The following LRRC49 variants were observed in gnomAD, a reference collection of about 807,000 sequenced individuals.
LRRC49 encodes the protein leucine rich repeat containing 49, also known as leucine-rich repeat-containing protein 49.
Under a neutral mutation model 83.3 loss-of-function variants are expected in LRRC49, and 50 were observed. The observed-to-expected ratio is 0.60, with a 90% confidence interval of 0.48 to 0.76. The LOEUF is 0.76. Among genes scored for constraint, LRRC49 ranks in the 30% least tolerant of loss-of-function variants. The probability of loss-of-function intolerance (pLI) is 0.00; values close to 1 mark genes in which losing one functional copy is unlikely to be tolerated. For synonymous variants in LRRC49, 286 were observed against 283.3 expected (o/e 1.01, Z -0.10); for missense variants, 704 against 809.1 (o/e 0.87, Z 1.58).
rs2141261055 is a variant in LRRC49 at position 71,008,361 on chromosome 15, A to G, written c.1170-18A>G. On this transcript the variant is annotated intron_variant, in intron 11 of 15. Transcript: ENST00000260382. ...TGCATGATATCTTTCATTTAAAATT[A>G]TACTTTGGGTTTTCCAGGCCTCTAG... 2 of 1,454,258 alleles carry G rather than the reference A, an allele frequency of 1.4e-6. No homozygotes were observed. Among genetic ancestry groups the G allele is most frequent in the East Asian group, 2.3e-5 (1 of 43,830 alleles). 90.1% of individuals were successfully genotyped at this position (1,454,258 alleles called of 1,614,324 possible).
intron 8 of LRRC49, among the ~76,000 whole-genome samples, chr15:70,940,693 A>G (rs994935487): frequency 1.3e-5 from 2 of 152,212 alleles, no homozygotes; most frequent in Non-Finnish European, 2.9e-5. Context: ...AGTATGCAGC[A>G]TACTGTTAGA....
intron 1 of LRRC49, among the ~76,000 whole-genome samples, chr15:70,854,494 C>A (rs1198620342): frequency 6.6e-6 from 1 of 152,252 alleles, no homozygotes; most frequent in Non-Finnish European, 1.5e-5. Flanking sequence ...GCACAGCTGA[C>A]TTCTGTTTGT....
At chr15:70,931,961 CT>C (rs2035423599) in intron 7 of LRRC49, among the ~76,000 whole-genome samples, 1 of 152,112 alleles carries the variant, frequency 6.6e-6, no homozygotes, top group Non-Finnish European at 1.5e-5. Flanking sequence ...GAAATTGAGG[CT>C]TTTTATTGAT....
intron 5 of LRRC49, among the ~76,000 whole-genome samples, chr15:70,910,569 T>G (rs1480650072): frequency 6.6e-6 from 1 of 152,184 alleles, no homozygotes; most frequent in East Asian, 1.9e-4. Flanking sequence ...TTTTTGCCAT[T>G]GCTCCCATCT....
chr15:70,991,416 T>C (rs1315580358), intron 11 of LRRC49, among the ~76,000 whole-genome samples: 3 of 152,258 alleles, frequency 2.0e-5, no homozygotes, highest in Non-Finnish European at 2.9e-5. Flanking sequence ...AATTCCCTTA[T>C]ATAAAATGGG....
intron 8 of LRRC49, among the ~76,000 whole-genome samples, chr15:70,960,415 A>C (rs2036565554): frequency 6.6e-6 from 1 of 152,246 alleles, no homozygotes; most frequent in Non-Finnish European, 1.5e-5. Context: ...GAGGAGTGAT[A>C]TAACAATCTT....
chr15:70,923,666 TTGATA>T (rs2035087931), intron 7 of LRRC49, among the ~76,000 whole-genome samples: 1 of 151,900 alleles, frequency 6.6e-6, no homozygotes. Context: ...AATTTTTAAT[TTGATA>T]TAATTTCAGA....
At chr15:70,921,847 C>T (rs1304173959) in intron 7 of LRRC49, among the ~76,000 whole-genome samples, 1 of 152,208 alleles carries the variant, frequency 6.6e-6, no homozygotes, top group Admixed American at 6.5e-5. Flanking sequence ...ATGCAACCTA[C>T]TTACCGTCTT....
Position 70,933,662 on chromosome 15 carries a change from C to T in LRRC49, c.712-3099C>T, listed in dbSNP as rs186109272. Among the ~76,000 whole-genome samples, 1,049 of 152,286 alleles carry T rather than the reference C, an allele frequency of 6.9e-3. 10 individuals carry two copies. Among genetic ancestry groups the T allele is most frequent in the Middle Eastern group, 0.02 (6 of 294 alleles). Reference sequence around the variant, plus strand: ...AAATTACTACTGGCAAGTAAAAGCACACTGCCTTGACATAGCCTTGGCTGT... The same window carrying T: ...AAATTACTACTGGCAAGTAAAAGCATACTGCCTTGACATAGCCTTGGCTGT... On this transcript the variant is annotated intron_variant, in intron 7 of 15. Coordinates refer to ENST00000260382, the MANE Select transcript of LRRC49 (RefSeq NM_017691.5).
At chr15:70,990,573 C>A (rs1214867722) in intron 11 of LRRC49, among the ~76,000 whole-genome samples, 1 of 152,226 alleles carries the variant, frequency 6.6e-6, no homozygotes, top group Non-Finnish European at 1.5e-5. Flanking sequence ...AACTCCCTGA[C>A]CCCTTGCACT....
At chr15:71,047,633 T>G (rs959247987) in intron 15 of LRRC49, among the ~76,000 whole-genome samples, 2 of 152,228 alleles carry the variant, frequency 1.3e-5, no homozygotes, top group African/African-American at 2.4e-5. Flanking sequence ...CAAAGAGAGA[T>G]AGTTTGACTT....
intron 8 of LRRC49, 74 bp downstream of exon 8, chr15:70,936,896 T>A: frequency 1.1e-6 from 1 of 937,588 alleles, no homozygotes; most frequent in Non-Finnish European, 1.7e-6. Flanking sequence ...ATTAAGATTG[T>A]AAATACCTTG....
chr15:70,912,620 T>C (rs1324000084), intron 6 of LRRC49, among the ~76,000 whole-genome samples: 1 of 151,986 alleles, frequency 6.6e-6, no homozygotes, highest in African/African-American at 2.4e-5. Flanking sequence ...CTCCCAATTA[T>C]GTTCAATTTG....
chr15:71,020,604 A>G (rs1713553), intron 14 of LRRC49, among the ~76,000 whole-genome samples: 116,766 of 151,604 alleles, frequency 0.77, 46,367 homozygotes, highest in East Asian at 0.87. Context: ...AAAAGAGTGG[A>G]GATCAACAAA....
At chr15:71,027,180 C>T (rs2039199672) in intron 14 of LRRC49, among the ~76,000 whole-genome samples, 3 of 152,176 alleles carry the variant, frequency 2.0e-5, no homozygotes, top group South Asian at 2.1e-4. Flanking sequence ...GTTTTCCCAG[C>T]ACCATTTATT....
chr15:70,936,597 A>C (rs1242921992), intron 7 of LRRC49, 164 bp from the exon 8 acceptor site: 2 of 564,956 alleles, frequency 3.5e-6, no homozygotes, highest in Non-Finnish European at 6.3e-6. Flanking sequence ...CCTCCCATTT[A>C]ATCTGCAGTG....
At chr15:70,998,748 T>C (rs538553552) in intron 11 of LRRC49, among the ~76,000 whole-genome samples, 1 of 135,292 alleles carries the variant, frequency 7.4e-6, no homozygotes, top group South Asian at 2.5e-4. Flanking sequence ...TTTCTGGCCA[T>C]TGTTTTTTCA....
At chr15:70,932,530 A>G (rs1161635614) in intron 7 of LRRC49, among the ~76,000 whole-genome samples, 3 of 152,092 alleles carry the variant, frequency 2.0e-5, no homozygotes, top group Non-Finnish European at 4.4e-5. Context: ...GAGAGTAGCT[A>G]TGATTTTATT....
chr15:70,951,303 C>T (rs1317256487), intron 8 of LRRC49, among the ~76,000 whole-genome samples: 2 of 151,962 alleles, frequency 1.3e-5, no homozygotes, highest in African/African-American at 4.8e-5. Context: ...TGAAAAATGA[C>T]ATTGGTAGTA....
Sources: allele counts gnomAD v4.1 joint callset (sites outside exome capture counted in the v4.1 genomes callset), GRCh38; gene constraint gnomAD v4.1.1; transcripts MANE v1.5; gene names NCBI Gene and HGNC (gene_info 2026-07-23, HGNC 2026-07-21).